The following SNED1 variants were observed in gnomAD, a reference collection of about 807,000 sequenced individuals.
SNED1 encodes the protein sushi, nidogen and EGF-like domain-containing protein 1.
Under a neutral mutation model 166.7 loss-of-function variants are expected in SNED1, and 81 were observed. The ratio of observed to expected loss-of-function variants is 0.49; its 90% CI spans 0.41 to 0.58. The LOEUF is 0.58. Among genes scored for constraint, SNED1 ranks in the 20% least tolerant of loss-of-function variants. The probability of loss-of-function intolerance (pLI) is 0.00; values close to 1 mark genes in which losing one functional copy is unlikely to be tolerated. For missense variants in SNED1, 1,604 were observed against 2,000.2 expected (o/e 0.80, Z 3.78); for synonymous variants, 762 against 822.0 (o/e 0.93, Z 1.25).
chr2:241,086,834 G>A (rs2063607186), intron 29 of SNED1, among the ~76,000 whole-genome samples: 1 of 152,228 alleles, frequency 6.6e-6, no homozygotes, highest in Non-Finnish European at 1.5e-5. Flanking sequence ...CTACAAACTT[G>A]TAAGAGAGAT....
At chr2:241,077,356 G>T (rs575478382) in intron 27 of SNED1, among the ~76,000 whole-genome samples, 2 of 152,196 alleles carry the variant, frequency 1.3e-5, no homozygotes, top group African/African-American at 4.8e-5. Context: ...CATGACCTTC[G>T]ATCATGAGGG....
At position 241,073,156 on chromosome 2, in the gene SNED1, C is replaced by T; in HGVS notation, c.3818-110C>T. ...GGCCACGCAGGGAGCCTGGTCCCCA[C>T]CAGGGACATCCGTGCTCCCTGAGAT... On this transcript the variant is annotated intron_variant, in intron 26 of 31. Transcript: ENST00000310397. The surrounding 1 kb of genome is among the most constrained non-coding windows in gnomAD (Gnocchi z 6.6). 1.3e-6 allele frequency: 1 copy of T among 770,714 alleles called. No individual in the cohort carries two copies. Among genetic ancestry groups the T allele is most frequent in the Non-Finnish European group, 2.1e-6 (1 of 473,860 alleles). The allele number at this position is 770,714 out of a possible 1,614,324, so 47.7% of individuals were successfully genotyped here.
intron 29 of SNED1, 76 bp downstream of exon 29, chr2:241,082,440 AC>A: frequency 9.2e-7 from 1 of 1,092,190 alleles, no homozygotes; most frequent in Non-Finnish European, 1.4e-6. Context: ...TCTCAAAGCT[AC>A]CCAGCTAACC....
intron 1 of SNED1, among the ~76,000 whole-genome samples, chr2:241,026,185 T>G (rs1440397753): frequency 6.6e-6 from 1 of 151,882 alleles, no homozygotes; most frequent in Non-Finnish European, 1.5e-5. Context: ...CCAGCTAAGT[T>G]TTTTGTATTT....
chr2:241,086,063 C>T (rs1299631577), intron 29 of SNED1, among the ~76,000 whole-genome samples: 2 of 152,044 alleles, frequency 1.3e-5, no homozygotes, highest in East Asian at 3.9e-4. Flanking sequence ...GACAGGGTTT[C>T]ACCATGTTGG....
At chr2:241,062,004 AGTGTGGAGTT>A (rs1440806307) in intron 16 of SNED1, among the ~76,000 whole-genome samples, 1 of 152,254 alleles carries the variant, frequency 6.6e-6, no homozygotes, top group East Asian at 1.9e-4. Flanking sequence ...AGTGACCTAC[AGTGTGGAGTT>A]CTCTTCTTCA....
chr2:241,089,536 C>T (rs2063772671), intron 31 of SNED1, among the ~76,000 whole-genome samples: 1 of 151,972 alleles, frequency 6.6e-6, no homozygotes, highest in Non-Finnish European at 1.5e-5. Flanking sequence ...TCTGAGTTGG[C>T]CATGACAGAG....
intron 1 of SNED1, among the ~76,000 whole-genome samples, chr2:241,023,073 A>T (rs936332073): frequency 6.6e-5 from 10 of 151,354 alleles, no homozygotes; most frequent in African/African-American, 2.2e-4. Flanking sequence ...CTTAATTTTT[A>T]TTTTTTTCTT....
At chr2:241,019,592 G>C (rs1389585371) in intron 1 of SNED1, among the ~76,000 whole-genome samples, 1 of 152,226 alleles carries the variant, frequency 6.6e-6, no homozygotes, top group Non-Finnish European at 1.5e-5. Flanking sequence ...ATGCACGCCA[G>C]CTCACACAGG....
At chr2:241,089,322 G>C in intron 31 of SNED1, 1 of 1,550,438 alleles carries the variant, frequency 6.4e-7, no homozygotes, top group Non-Finnish European at 8.7e-7. Flanking sequence ...AGGCACCCTT[G>C]GGTAACAAGC....
intron 2 of SNED1, among the ~76,000 whole-genome samples, chr2:241,031,838 C>T (rs551757566): frequency 1.3e-5 from 2 of 152,240 alleles, no homozygotes; most frequent in Non-Finnish European, 2.9e-5. Context: ...GGAATGTACA[C>T]TGTATGATCA....
At chr2:241,065,617 C>T (rs751783044) in intron 21 of SNED1, 22 bp downstream of exon 21, 11 of 1,604,312 alleles carry the variant, frequency 6.9e-6, no homozygotes, top group Non-Finnish European at 8.5e-6. Flanking sequence ...CGAGCCTGGC[C>T]GTCCCTGCCC....
At chr2:241,062,716 A>C in intron 16 of SNED1, 75 bp from the exon 17 acceptor site, 1 of 944,224 alleles carries the variant, frequency 1.1e-6, no homozygotes, top group East Asian at 2.6e-5. Flanking sequence ...CTGGCCCCTC[A>C]GGACTAGTTT....
At position 241,069,048 on chromosome 2, in the gene SNED1, G is replaced by C. The variant is rs2062589086; in HGVS notation, c.3307+25G>C. On this transcript the variant is annotated intron_variant, in intron 23 of 31. Coordinates refer to ENST00000310397, the MANE Select transcript of SNED1 (RefSeq NM_001080437.3). The surrounding 1 kb of genome is among the most constrained non-coding windows in gnomAD (Gnocchi z 4.9). Reference sequence around the variant, plus strand: ...CGTGAGTAGAGCAGCGCGGCCCCCGGCACACGAAAGGCCGTCTTCTAGAAG... The same window carrying C: ...CGTGAGTAGAGCAGCGCGGCCCCCGCCACACGAAAGGCCGTCTTCTAGAAG... 6 of 1,476,804 alleles carry C rather than the reference G, an allele frequency of 4.1e-6. No individual in the cohort carries two copies. Among genetic ancestry groups the C allele is most frequent in the Non-Finnish European group, 5.5e-6 (6 of 1,085,504 alleles). 91.5% of individuals were successfully genotyped at this position (1,476,804 alleles called of 1,614,324 possible).
Position 241,069,750 on chromosome 2 carries a change from T to G in SNED1, c.3308-170T>G, listed in dbSNP as rs1399790963. On this transcript the variant is annotated intron_variant, in intron 23 of 31. Transcript: ENST00000310397. The surrounding 1 kb of genome is among the most constrained non-coding windows in gnomAD (Gnocchi z 4.9). Reference sequence around the variant, plus strand: ...CCTGCAGGTCTCTCGGTTGGAAGATTGTGCTGTACGTGCCAGCCCACACCC... The same window carrying G: ...CCTGCAGGTCTCTCGGTTGGAAGATGGTGCTGTACGTGCCAGCCCACACCC... Among the ~76,000 whole-genome samples the G allele has an allele frequency of 6.6e-6, 1 of 152,100 alleles. No homozygotes were observed. Among genetic ancestry groups the G allele is most frequent in the Non-Finnish European group, 1.5e-5 (1 of 67,994 alleles).
At chr2:241,045,849 G>A (rs1211128339) in intron 8 of SNED1, among the ~76,000 whole-genome samples, 1 of 152,122 alleles carries the variant, frequency 6.6e-6, no homozygotes, top group Admixed American at 6.5e-5. Flanking sequence ...GAAAGACATG[G>A]TTAAAAGAAT....
intron 16 of SNED1, among the ~76,000 whole-genome samples, chr2:241,055,334 T>C (rs1273899755): frequency 1.3e-5 from 2 of 151,944 alleles, no homozygotes; most frequent in African/African-American, 2.4e-5. Context: ...TATAGTAAAA[T>C]ACGAGAATAT....
intron 1 of SNED1, among the ~76,000 whole-genome samples, chr2:241,006,975 C>G (rs1200224303): frequency 6.6e-6 from 1 of 152,070 alleles, no homozygotes; most frequent in Non-Finnish European, 1.5e-5. Context: ...GTGTTTGGGA[C>G]AATTGGAGCA....
At chr2:240,997,919 C>T (rs1574813359), upstream of SNED1, among the ~76,000 whole-genome samples, 1 of 152,290 alleles carries the variant, frequency 6.6e-6, no homozygotes, top group Middle Eastern at 3.4e-3. Flanking sequence ...GGCTGGCAGG[C>T]CACAGGGTGG....
Sources: allele counts gnomAD v4.1 joint callset (sites outside exome capture counted in the v4.1 genomes callset), GRCh38; gene constraint gnomAD v4.1.1; non-coding constraint Gnocchi (gnomAD v3.1); transcripts MANE v1.5; gene names NCBI Gene and HGNC (gene_info 2026-07-23, HGNC 2026-07-21).